The following KIAA0825 variants were observed in gnomAD, a reference collection of about 807,000 sequenced individuals.
KIAA0825 encodes the protein KIAA0825.
Under a neutral mutation model 147.6 loss-of-function variants are expected in KIAA0825, and 119 were observed. The ratio of observed to expected loss-of-function variants is 0.81; its 90% CI spans 0.69 to 0.94. The LOEUF (loss-of-function observed/expected upper bound fraction) is 0.94, where lower values mean the gene tolerates loss of function less well. KIAA0825 is among the 40% of genes least tolerant of loss of function. The pLI, the probability that KIAA0825 is intolerant of heterozygous loss-of-function variation, is 0.00. For missense variants in KIAA0825, 1,381 were observed against 1,472.7 expected, an observed-to-expected ratio of 0.94 and a Z score of 1.02; for synonymous variants, 470 against 518.1, an observed-to-expected ratio of 0.91 and a Z score of 1.26.
At chr5:94,271,199 G>A (rs1776966089) in intron 20 of KIAA0825, among the ~76,000 whole-genome samples, 1 of 152,102 alleles carries the variant, frequency 6.6e-6, no homozygotes, top group Admixed American at 6.5e-5. Context: ...CCAGGACATT[G>A]GACTGGGTAA....
At chr5:94,469,214 A>G (rs1314531423) in intron 10 of KIAA0825, among the ~76,000 whole-genome samples, 2 of 151,430 alleles carry the variant, frequency 1.3e-5, no homozygotes, top group African/African-American at 4.9e-5. Flanking sequence ...TCTGTCACCC[A>G]GGCTGGAGTG....
At chr5:94,408,873 A>C (rs186089035) in intron 15 of KIAA0825, among the ~76,000 whole-genome samples, 99 of 152,368 alleles carry the variant, frequency 6.5e-4, no homozygotes, top group Non-Finnish European at 4.9e-4. Context: ...ATTTCTTTTT[A>C]AAGCACAATT....
chr5:94,407,257 G>A (rs1344891583), intron 15 of KIAA0825, among the ~76,000 whole-genome samples: 2 of 152,164 alleles, frequency 1.3e-5, no homozygotes, highest in Admixed American at 6.5e-5. Context: ...CAAGCAGGAT[G>A]TAAAAGGCGA....
chr5:94,608,475 ATATATATATATATAT>A (rs1788001730), intron 1 of KIAA0825, among the ~76,000 whole-genome samples: 2 of 10,858 alleles, frequency 1.8e-4, no homozygotes, highest in Non-Finnish European at 3.2e-4. Flanking sequence ...TATATATATA[ATATATATATATATAT>A]AATTATATAT....
In KIAA0825 at chr5:94,152,844, AAAAAAAAAAAATTAT is replaced by A. The variant is rs1766619328; in HGVS notation, c.*1148_*1162del. On this transcript the variant is annotated 3_prime_UTR_variant, in exon 21 of 21. Transcript: ENST00000682413. ...ATGAAAAAAAAAAAAAAAAAAAAAA[AAAAAAAAAAAATTAT>A]ATATATATATATATATATATATATA... The A allele has an allele frequency of 2.8e-5, 1 of 36,280 alleles. No individual in the cohort carries two copies. Among genetic ancestry groups the A allele is most frequent in the Admixed American group, 4.0e-4 (1 of 2,514 alleles). 2.2% of individuals were successfully genotyped at this position (36,280 alleles called of 1,614,324 possible). A position where few individuals can be genotyped will look rare whatever the true frequency, so the allele number is the denominator to read the frequency against.
At chr5:94,222,054 C>A (rs1773712936) in intron 20 of KIAA0825, among the ~76,000 whole-genome samples, 2 of 152,090 alleles carry the variant, frequency 1.3e-5, no homozygotes, top group South Asian at 4.1e-4. Flanking sequence ...TCTCAGGGCA[C>A]CCCTTGGCTA....
intron 1 of KIAA0825, among the ~76,000 whole-genome samples, chr5:94,590,236 C>T (rs1784107043): frequency 6.6e-6 from 1 of 152,154 alleles, no homozygotes; most frequent in Non-Finnish European, 1.5e-5. Flanking sequence ...CTCAAGTGAT[C>T]TGTCCGCGTC....
chr5:94,451,698 G>C (rs186107591), intron 13 of KIAA0825, among the ~76,000 whole-genome samples: 2 of 152,340 alleles, frequency 1.3e-5, no homozygotes, highest in Admixed American at 1.3e-4. Context: ...TAGCTGGGTT[G>C]ATCCGAGCAA....
rs563308368 is a variant in KIAA0825, at chr5:94,282,010, T to G, written c.3710+102358A>C. Among the ~76,000 whole-genome samples the G allele has an allele frequency of 6.6e-5, 10 of 152,208 alleles. No individual in the cohort carries two copies. The South Asian group carries it at 2.1e-3, about 32-fold the overall frequency. ...ACCATCTGACTTCCTCTTCCTTCTG[T>G]CATCTCAGCATGCCTGCCACCAAAA... On this transcript the variant is annotated intron_variant, in intron 20 of 20. Coordinates refer to ENST00000682413, the MANE Select transcript of KIAA0825 (RefSeq NM_001145678.3).
At chr5:94,314,499 CA>C (rs2150218531) in intron 20 of KIAA0825, among the ~76,000 whole-genome samples, 1 of 151,718 alleles carries the variant, frequency 6.6e-6, no homozygotes, top group Non-Finnish European at 1.5e-5. Context: ...ACAGGAGTTG[CA>C]TGCAAATTTA....
At chr5:94,178,054 T>C (rs1482595693) in intron 20 of KIAA0825, among the ~76,000 whole-genome samples, 1 of 152,046 alleles carries the variant, frequency 6.6e-6, no homozygotes, top group Admixed American at 6.6e-5. Flanking sequence ...GTTAGGGTTA[T>C]TCCTAGAAAT....
At chr5:94,377,325 G>T (rs1747727740) in intron 20 of KIAA0825, among the ~76,000 whole-genome samples, 1 of 152,208 alleles carries the variant, frequency 6.6e-6, no homozygotes, top group Non-Finnish European at 1.5e-5. Flanking sequence ...GCACTGCGCT[G>T]TATTCACAGA....
rs768612779 is a variant in KIAA0825 at position 94,520,710 on chromosome 5, G to A, written c.508C>T (p.Arg170Cys). ...CTTTGTAATTTGCTCACTAAGAAGC[G>A]TCGAAGATGCAGTCTTATATCATCC... is the stretch of plus-strand genomic sequence containing the variant. ...MWDDIRLHLR[R>C]FLVSKLQSHN... Residue 170 changes from arginine to cysteine, a missense_variant, in exon 5 of 21, where the codon CGC becomes TGC. Physicochemically the swap from Arg to Cys is radical, Grantham distance 180. Transcript: ENST00000682413. 34 of 1,613,170 alleles carry A rather than the reference G, an allele frequency of 2.1e-5. No homozygotes were observed. The highest frequency in any genetic ancestry group is 3.3e-4 in the Middle Eastern group (2 of 6,082).
At chr5:94,421,273 G>T (rs530605044) in intron 14 of KIAA0825, among the ~76,000 whole-genome samples, 1 of 152,194 alleles carries the variant, frequency 6.6e-6, no homozygotes, top group Admixed American at 6.5e-5. Flanking sequence ...AACAGGTGGC[G>T]GGAAGGGGCA....
intron 7 of KIAA0825, among the ~76,000 whole-genome samples, chr5:94,473,780 A>G (rs958160959): frequency 1.3e-5 from 2 of 152,204 alleles, no homozygotes; most frequent in African/African-American, 4.8e-5. Context: ...TTTTTAAAAA[A>G]TTTAATCTCT....
intron 2 of KIAA0825, among the ~76,000 whole-genome samples, chr5:94,564,534 TTGAG>T (rs1246100101): frequency 1.3e-5 from 1 of 79,072 alleles, no homozygotes. Flanking sequence ...TGCCTTATTT[TTGAG>T]TGTGTGTGTG....
At chr5:94,315,882 T>C (rs758402082) in intron 20 of KIAA0825, among the ~76,000 whole-genome samples, 8 of 151,754 alleles carry the variant, frequency 5.3e-5, no homozygotes, top group Non-Finnish European at 7.4e-5. Flanking sequence ...TCTTTGTATC[T>C]GTTGTTCACG....
At chr5:94,610,554 A>C (rs953475891) in intron 1 of KIAA0825, among the ~76,000 whole-genome samples, 1 of 150,478 alleles carries the variant, frequency 6.6e-6, no homozygotes, top group Non-Finnish European at 1.5e-5. Context: ...GCCTGAGCTC[A>C]GAGTTCAAGA....
intron 20 of KIAA0825, among the ~76,000 whole-genome samples, chr5:94,321,440 C>T (rs1780189927): frequency 6.6e-6 from 1 of 151,912 alleles, no homozygotes; most frequent in Non-Finnish European, 1.5e-5. Context: ...TTGAAACAAC[C>T]TTACAAAGTA....
Sources: allele counts gnomAD v4.1 joint callset (sites outside exome capture counted in the v4.1 genomes callset), GRCh38; gene constraint gnomAD v4.1.1; transcripts MANE v1.5; gene names NCBI Gene and HGNC (gene_info 2026-07-23, HGNC 2026-07-21).